Variants in NIBAN1 observed in about 807,000 individuals in gnomAD.
NIBAN1 encodes niban apoptosis regulator 1.
NIBAN1 carries 81 observed loss-of-function variants against 75.1 expected under a neutral mutation model. The observed-to-expected ratio is 1.08, with a 90% CI of 0.90 to 1.30. NIBAN1 has a LOEUF of 1.30. Among genes scored for constraint, NIBAN1 ranks in the 50% most tolerant of loss-of-function variants. The pLI, the probability that NIBAN1 is intolerant of heterozygous loss-of-function variation, is 0.00. For synonymous variants in NIBAN1, 436 were observed against 424.8 expected, an observed-to-expected ratio of 1.03 and a Z score of -0.32; for missense variants, 1,133 against 1,128.1, an observed-to-expected ratio of 1.00 and a Z score of -0.06.
At chr1:184,860,717 G>C (rs984399062) in intron 5 of NIBAN1, among the ~76,000 whole-genome samples, 1 of 152,182 alleles carries the variant, frequency 6.6e-6, no homozygotes, top group Non-Finnish European at 1.5e-5. Context: ...GAGTAACACA[G>C]ATCCTAAGTG....
intron 10 of NIBAN1, 107 bp from the exon 11 acceptor site, chr1:184,806,163 C>T: frequency 2.6e-6 from 2 of 776,774 alleles, no homozygotes; most frequent in South Asian, 3.4e-5. Context: ...AGAGATGAGT[C>T]CCCTCGGCTG....
rs374214991 is a variant in NIBAN1, at chr1:184,899,170, A to G, written c.186+9T>C. 3.0e-4 allele frequency: 489 copies of G among 1,613,440 alleles called. 1 individual carries two copies. Among genetic ancestry groups the G allele is most frequent in the Non-Finnish European group, 4.0e-4 (476 of 1,179,600 alleles). On this transcript the variant is annotated intron_variant, in intron 2 of 13. Transcript: ENST00000367511. ...GGAAATACATGTAAACCAAATATCC[A>G]TGGCTTACCTTGGTCTTCAAAAACT...
intron 1 of NIBAN1, among the ~76,000 whole-genome samples, chr1:184,970,373 C>A (rs903183895): frequency 5.9e-5 from 9 of 152,220 alleles, no homozygotes; most frequent in African/African-American, 2.2e-4. Flanking sequence ...CAAATTATGA[C>A]CGAAGAAGCA....
rs541213896 is a variant in NIBAN1, at chr1:184,795,744, C to T, written c.2020G>A (p.Ala674Thr). The T allele has an allele frequency of 3.6e-4, 574 of 1,612,104 alleles. 5 individuals are homozygous for T. The South Asian group carries it at 6.0e-3, about 17-fold the overall frequency. The change falls in exon 14 of 14, where the codon GCA (alanine) becomes ACA (threonine). Residue 674 changes from alanine to threonine, a missense_variant. Ala to Thr is a moderately conservative substitution (Grantham distance 58). Coordinates refer to ENST00000367511, the MANE Select transcript of NIBAN1 (RefSeq NM_052966.4). ...GATGAGCATGTGCCCGGGAGTCCTG[C>T]TGTGTCCTCTGTTGCCACAGGATTC... ...VVNPVATEDT[A>T]GLPGTCSSEL...
intron 5 of NIBAN1, among the ~76,000 whole-genome samples, chr1:184,880,944 G>A (rs1228411641): frequency 7.5e-4 from 114 of 152,290 alleles, no homozygotes. Context: ...ACTATTCTAG[G>A]ATCATACTAT....
Position 184,884,748 on chromosome 1 carries a change from G to A in NIBAN1, c.486C>T (p.Phe162=). 1 of 1,614,212 alleles carries A rather than the reference G, an allele frequency of 6.2e-7. No homozygotes were observed. Among genetic ancestry groups the A allele is most frequent in the Non-Finnish European group, 8.5e-7 (1 of 1,180,010 alleles). The stretch of plus-strand genomic sequence containing the variant: ...AGAAGGGCTGCCACAGGTACACTGG[G>A]AATTCCTTGGGCAGGACCACAAAGG... ...TQPFVVLPKE[F]PVYLWQPFFR... Residue 162 remains phenylalanine (F), a synonymous_variant, in exon 5 of 14, where the codon TTC becomes TTT. Transcript: ENST00000367511.
intron 1 of NIBAN1, among the ~76,000 whole-genome samples, chr1:184,970,796 T>TG (rs1557936136): frequency 6.6e-6 from 1 of 152,226 alleles, no homozygotes; most frequent in Non-Finnish European, 1.5e-5. Flanking sequence ...AGTACTTTTC[T>TG]GACCCTCCAC....
intron 1 of NIBAN1, among the ~76,000 whole-genome samples, chr1:184,916,750 AGATAT>A (rs959840684): frequency 2.0e-5 from 3 of 152,190 alleles, no homozygotes; most frequent in African/African-American, 7.2e-5. Flanking sequence ...TTGATAAACT[AGATAT>A]GTATGAAAAT....
At chr1:184,835,551 TCCTTCACATC>T (rs1055796353) in intron 5 of NIBAN1, among the ~76,000 whole-genome samples, 43 of 152,344 alleles carry the variant, frequency 2.8e-4, no homozygotes, top group African/African-American at 9.6e-4. Flanking sequence ...CTTAAAGAGG[TCCTTCACATC>T]CCTTGTAAGT....
intron 5 of NIBAN1, chr1:184,867,900 C>G (rs1159244069): frequency 4.9e-5 from 48 of 985,248 alleles, no homozygotes; most frequent in Non-Finnish European, 5.7e-5. Flanking sequence ...TTTTGTCTAC[C>G]CCGTCACTTA....
intron 1 of NIBAN1, among the ~76,000 whole-genome samples, chr1:184,907,477 A>G (rs1171471639): frequency 6.6e-6 from 1 of 152,188 alleles, no homozygotes; most frequent in Non-Finnish European, 1.5e-5. Context: ...TTTATAAAAG[A>G]AATTACAATA....
intron 1 of NIBAN1, among the ~76,000 whole-genome samples, chr1:184,909,193 A>G (rs920519908): frequency 6.6e-6 from 1 of 152,230 alleles, no homozygotes; most frequent in African/African-American, 2.4e-5. Flanking sequence ...AAAAGAAATC[A>G]GGCCAGACTT....
At chr1:184,883,294 C>CATT (rs1247744985) in intron 5 of NIBAN1, among the ~76,000 whole-genome samples, 2 of 152,162 alleles carry the variant, frequency 1.3e-5, no homozygotes, top group African/African-American at 4.8e-5. Context: ...CTCTTTAACC[C>CATT]ATTAACTGTG....
intron 8 of NIBAN1, among the ~76,000 whole-genome samples, chr1:184,820,696 G>A (rs1654672974): frequency 1.3e-5 from 2 of 152,358 alleles, no homozygotes; most frequent in South Asian, 2.1e-4. Context: ...TGAACAGAGC[G>A]ATGATGCCTG....
At chr1:184,934,668 G>A (rs922653458) in intron 1 of NIBAN1, among the ~76,000 whole-genome samples, 23 of 152,096 alleles carry the variant, frequency 1.5e-4, no homozygotes, top group South Asian at 6.2e-4. Context: ...AGGCTGAGGC[G>A]GGTGGATCAC....
At chr1:184,810,647 T>G (rs1352624497) in intron 9 of NIBAN1, among the ~76,000 whole-genome samples, 1 of 152,236 alleles carries the variant, frequency 6.6e-6, no homozygotes, top group Admixed American at 6.5e-5. Flanking sequence ...AGGCAAATGC[T>G]GAGTTGTAAC....
intron 9 of NIBAN1, among the ~76,000 whole-genome samples, chr1:184,815,122 A>G (rs780977829): frequency 1.3e-4 from 20 of 152,360 alleles, no homozygotes; most frequent in Non-Finnish European, 2.4e-4. Flanking sequence ...TTAAACATTT[A>G]TAAAGGGATT....
rs752374234 is a variant in NIBAN1 at position 184,823,669 on chromosome 1, T to C, written c.791A>G (p.Lys264Arg). 19 of 1,614,172 alleles carry C rather than the reference T, an allele frequency of 1.2e-5. No individual in the cohort carries two copies. In the South Asian group the frequency reaches 2.1e-4, roughly 18 times the overall value. The change falls in exon 7 of 14, where the codon AAG becomes AGG. Residue 264 changes from lysine to arginine, a missense_variant. Coordinates refer to ENST00000367511, the MANE Select transcript of NIBAN1 (RefSeq NM_052966.4). ...CCACGTCCTCTTTCTGTCATTCTTC[T>C]TCCCCTTCATCTTAGGCAGCAGGTC... Reference protein sequence around the residue: ...QTDLLPKMKGKKNDRKRTWLG... With the variant: ...QTDLLPKMKGRKNDRKRTWLG...
chr1:184,861,770 G>A (rs548607779), intron 5 of NIBAN1, among the ~76,000 whole-genome samples: 7 of 151,078 alleles, frequency 4.6e-5, no homozygotes, highest in African/African-American at 1.5e-4. Context: ...AAAGGAGGGA[G>A]GGAGGAAAGA....
Sources: allele counts gnomAD v4.1 joint callset (sites outside exome capture counted in the v4.1 genomes callset), GRCh38; gene constraint gnomAD v4.1.1; transcripts MANE v1.5; gene names NCBI Gene and HGNC (gene_info 2026-07-23, HGNC 2026-07-21).